Variants in ROBO2 observed in about 807,000 individuals in gnomAD.
ROBO2 encodes roundabout homolog 2.
Under a neutral mutation model 160.8 loss-of-function variants are expected in ROBO2, and 53 were observed. The observed-to-expected ratio is 0.33, with a 90% CI of 0.26 to 0.41. ROBO2 has a LOEUF of 0.41. Among genes scored for constraint, ROBO2 ranks in the 10% least tolerant of loss-of-function variants. The pLI is 1.00. For missense variants in ROBO2, 1,577 were observed against 1,722.4 expected (o/e 0.92, Z 1.49); for synonymous variants, 664 against 611.7 (o/e 1.09, Z -1.26).
At chr3:76,622,239 A>AAGGAAGGAAGGAAGG (rs1560252129) in intron 2 of ROBO2, among the ~76,000 whole-genome samples, 6 of 32,648 alleles carry the variant, frequency 1.8e-4, no homozygotes, top group African/African-American at 8.3e-4. Flanking sequence ...AGGAAGGAAG[A>AAGGAAGGAAGGAAGG]AAGAAAGAAA....
intron 5 of ROBO2, among the ~76,000 whole-genome samples, chr3:77,501,524 C>G (rs1303193631): frequency 1.3e-5 from 2 of 152,146 alleles, no homozygotes; most frequent in Non-Finnish European, 1.5e-5. Context: ...CTTATCCCAG[C>G]TCTGCCATAA....
intron 2 of ROBO2, among the ~76,000 whole-genome samples, chr3:76,842,241 C>A (rs1165477224): frequency 6.6e-6 from 1 of 152,170 alleles, no homozygotes; most frequent in Non-Finnish European, 1.5e-5. Flanking sequence ...GGAGCACACC[C>A]CAAATTCAAT....
intron 2 of ROBO2, among the ~76,000 whole-genome samples, chr3:77,031,822 C>T (rs997575227): frequency 6.6e-6 from 1 of 151,414 alleles, no homozygotes; most frequent in Non-Finnish European, 1.5e-5. Context: ...CTGTCTTAGT[C>T]CATTCAGGCT....
At chr3:76,425,150 G>T (rs2076159648) in intron 2 of ROBO2, among the ~76,000 whole-genome samples, 1 of 151,476 alleles carries the variant, frequency 6.6e-6, no homozygotes, top group Non-Finnish European at 1.5e-5. Flanking sequence ...TCTAATCCGG[G>T]GCCTTTCCAC....
intron 2 of ROBO2, among the ~76,000 whole-genome samples, chr3:76,854,325 A>G (rs1207060011): frequency 6.6e-6 from 1 of 152,156 alleles, no homozygotes; most frequent in African/African-American, 2.4e-5. Flanking sequence ...CAATGAATAC[A>G]TTGCATACAC....
intron 2 of ROBO2, among the ~76,000 whole-genome samples, chr3:77,451,183 C>T (rs548644892): frequency 4.2e-4 from 64 of 152,150 alleles, no homozygotes; most frequent in African/African-American, 1.5e-3. Context: ...TCTTCAATAG[C>T]TTAAAATCCA....
intron 2 of ROBO2, among the ~76,000 whole-genome samples, chr3:76,788,721 C>A (rs1465834326): frequency 6.6e-6 from 1 of 151,438 alleles, no homozygotes; most frequent in Non-Finnish European, 1.5e-5. Flanking sequence ...TTTATCTGAA[C>A]CTCTTAAGGA....
chr3:76,757,236 T>A (rs919805167), intron 2 of ROBO2, among the ~76,000 whole-genome samples: 2 of 151,964 alleles, frequency 1.3e-5, no homozygotes, highest in South Asian at 2.1e-4. Flanking sequence ...CAGTCAGGAC[T>A]ACATCTTAGG....
chr3:76,483,630 A>G (rs1397438723), intron 2 of ROBO2, among the ~76,000 whole-genome samples: 4 of 152,158 alleles, frequency 2.6e-5, no homozygotes, highest in Non-Finnish European at 5.9e-5. Flanking sequence ...CGCTTGTGTC[A>G]CAGAGGTTTG....
At position 76,571,436 on chromosome 3, in the gene ROBO2, G is replaced by C. The variant is rs531527581; in HGVS notation, c.110-526578G>C. Among the ~76,000 whole-genome samples, 5 of 152,088 alleles carry C rather than the reference G, an allele frequency of 3.3e-5. No homozygotes were observed. The South Asian group carries it at 1.0e-3, about 31-fold the overall frequency. On this transcript the variant is annotated intron_variant, in intron 2 of 26. Coordinates refer to the ROBO2 transcript ENST00000487694. The stretch of plus-strand genomic sequence containing the variant: ...AAATATCTTTTCAATAAAATTACCA[G>C]AGTAAATATGAGACCTAGAGGTTTT...
intron 2 of ROBO2, among the ~76,000 whole-genome samples, chr3:76,000,372 G>T (rs1309231541): frequency 6.6e-6 from 1 of 151,910 alleles, no homozygotes; most frequent in African/African-American, 2.4e-5. Flanking sequence ...GTTCTTCATA[G>T]TTTCATTGTT....
intron 2 of ROBO2, among the ~76,000 whole-genome samples, chr3:76,242,225 G>C (rs916042655): frequency 6.6e-6 from 1 of 152,082 alleles, no homozygotes; most frequent in African/African-American, 2.4e-5. Context: ...GTTCTAGCCA[G>C]TTACATTATG....
chr3:76,709,107 C>A (rs928636257), intron 2 of ROBO2, among the ~76,000 whole-genome samples: 1 of 152,072 alleles, frequency 6.6e-6, no homozygotes, highest in Non-Finnish European at 1.5e-5. Context: ...CTATGAAGTA[C>A]CTTGATGAAG....
At position 76,894,024 on chromosome 3, in the gene ROBO2, G is replaced by T. The variant is rs377566740; in HGVS notation, c.110-203990G>T. On this transcript the variant is annotated intron_variant, in intron 2 of 26. Coordinates refer to the ROBO2 transcript ENST00000487694. The stretch of plus-strand genomic sequence containing the variant: ...TTGCCTAACTGATATGGAAAAGTTT[G>T]CTCTTTCAACAGTAGAGATTAATAA... 2.0e-5 allele frequency among the ~76,000 whole-genome samples: 3 copies of T among 152,082 alleles called. No individual in the cohort carries two copies. In the East Asian group the frequency reaches 5.8e-4, roughly 29 times the overall value.
chr3:76,637,015 T>C (rs2090378034), intron 2 of ROBO2, among the ~76,000 whole-genome samples: 1 of 150,568 alleles, frequency 6.6e-6, no homozygotes, highest in Non-Finnish European at 1.5e-5. Flanking sequence ...TCCAGGGGAG[T>C]TTTGGGACTG....
intron 2 of ROBO2, among the ~76,000 whole-genome samples, chr3:76,253,623 A>G (rs917522994): frequency 6.6e-5 from 10 of 150,612 alleles, no homozygotes; most frequent in African/African-American, 2.0e-4. Flanking sequence ...ACAGCCACTA[A>G]GAGTAATAAT....
intron 2 of ROBO2, among the ~76,000 whole-genome samples, chr3:76,013,574 T>G (rs918087185): frequency 6.6e-6 from 1 of 151,026 alleles, no homozygotes. Context: ...AATTGGCGAC[T>G]GGGCACGGTG....
At chr3:77,211,863 T>G (rs2084219617) in intron 2 of ROBO2, among the ~76,000 whole-genome samples, 1 of 152,226 alleles carries the variant, frequency 6.6e-6, no homozygotes, top group Non-Finnish European at 1.5e-5. Context: ...TTTGTCAGGT[T>G]TGTCAAAGAT....
At chr3:76,882,031 T>C (rs1477450434) in intron 2 of ROBO2, among the ~76,000 whole-genome samples, 2 of 151,088 alleles carry the variant, frequency 1.3e-5, no homozygotes, top group African/African-American at 2.4e-5. Context: ...TGTGTGTGTA[T>C]GTGGGTGGCT....
Sources: allele counts gnomAD v4.1 joint callset (sites outside exome capture counted in the v4.1 genomes callset), GRCh38; gene constraint gnomAD v4.1.1; transcripts MANE v1.5; gene names NCBI Gene and HGNC (gene_info 2026-07-23, HGNC 2026-07-21).